PPP3CB: variants seen among roughly 807,000 people sequenced by gnomAD.
The protein encoded by PPP3CB is serine/threonine-protein phosphatase 2B catalytic subunit beta isoform.
In PPP3CB, 8 loss-of-function variants were observed where a neutral mutation model predicts 66.4. The observed-to-expected ratio is 0.12, with a 90% CI of 0.07 to 0.22. PPP3CB has a LOEUF of 0.22. Among genes scored for constraint, PPP3CB ranks in the 10% least tolerant of loss-of-function variants. The pLI, the probability that PPP3CB is intolerant of heterozygous loss-of-function variation, is 1.00. For missense variants in PPP3CB, 319 were observed against 642.5 expected (o/e 0.50, Z 5.44); for synonymous variants, 208 against 221.2 (o/e 0.94, Z 0.53).
chr10:73,447,573 G>T (rs1220664819), intron 10 of PPP3CB, among the ~76,000 whole-genome samples: 2 of 152,124 alleles, frequency 1.3e-5, no homozygotes, highest in African/African-American at 2.4e-5. Flanking sequence ...ATTCAAAAGG[G>T]GCCTTAGGTA....
At chr10:73,452,098 T>A (rs1179801475) in intron 10 of PPP3CB, among the ~76,000 whole-genome samples, 1 of 152,052 alleles carries the variant, frequency 6.6e-6, no homozygotes, top group Non-Finnish European at 1.5e-5. Context: ...TAGATTCAGA[T>A]ATAGAATTAA....
intron 11 of PPP3CB, among the ~76,000 whole-genome samples, chr10:73,445,607 G>A (rs1384516931): frequency 4.7e-5 from 7 of 150,332 alleles, no homozygotes; most frequent in South Asian, 4.2e-4. Flanking sequence ...CACCAGGCCC[G>A]GCTAATTTTT....
intron 9 of PPP3CB, among the ~76,000 whole-genome samples, chr10:73,462,414 G>T (rs558064385): frequency 6.6e-6 from 1 of 151,840 alleles, no homozygotes. Context: ...GATATAAACG[G>T]TATGAGGGTC....
rs1212990728 is a variant in PPP3CB, at chr10:73,439,897, T to C, written c.1371A>G (p.Thr457=). 1 of 1,613,548 alleles carries C rather than the reference T, an allele frequency of 6.2e-7. No individual in the cohort carries two copies. The highest frequency in any genetic ancestry group is 8.5e-7 in the Non-Finnish European group (1 of 1,179,594). ...AGGRQTLQSA[T]VEAIEAEKAI... is the part of the protein sequence containing the mutation. ...CTTTTTCAGCCTCAATAGCCTCAACTGTGGCTGTACAGAAGTGAGCAGAGG... is the reference window on the plus strand; with the variant it reads ...CTTTTTCAGCCTCAATAGCCTCAACCGTGGCTGTACAGAAGTGAGCAGAGG... Residue 457 remains threonine (T), a synonymous_variant, in exon 13 of 14, where the codon ACA becomes ACG. Coordinates refer to ENST00000360663, the MANE Select transcript of PPP3CB (RefSeq NM_021132.4).
intron 4 of PPP3CB, among the ~76,000 whole-genome samples, chr10:73,472,860 G>GACTA (rs2132938338): frequency 6.6e-6 from 1 of 152,292 alleles, no homozygotes; most frequent in South Asian, 2.1e-4. Context: ...TTTACTTTTA[G>GACTA]AGAGATATCA....
At position 73,442,141 on chromosome 10, in the gene PPP3CB, A is replaced by G. The variant is rs147653574; in HGVS notation, c.1367-2240T>C. Among the ~76,000 whole-genome samples the G allele has an allele frequency of 2.5e-3, 373 of 152,236 alleles. 1 individual carries two copies. The highest frequency in any genetic ancestry group is 8.7e-3 in the African/African-American group (362 of 41,536). On this transcript the variant is annotated intron_variant, in intron 12 of 13. Transcript: ENST00000360663. Reference sequence around the variant, plus strand: ...AATTTTGACCAAATGCCCAAACCACACTATCAAGAGCTAGCAAAACTAGAA... The same window carrying G: ...AATTTTGACCAAATGCCCAAACCACGCTATCAAGAGCTAGCAAAACTAGAA...
In PPP3CB at chr10:73,436,952, T is replaced by G. The variant is rs1012548863; in HGVS notation, c.*1290A>C. 6.5e-6 allele frequency: 1 copy of G among 152,700 alleles called. No individual in the cohort carries two copies. The highest frequency in any genetic ancestry group is 1.5e-5 in the Non-Finnish European group (1 of 68,078). 9.5% of individuals were successfully genotyped at this position (152,700 alleles called of 1,614,324 possible). A position where few individuals can be genotyped will look rare whatever the true frequency, so the allele number is the denominator to read the frequency against. Reference sequence around the variant, plus strand: ...CAAACAAAACAATAGATGGTTCCGCTGCCTGGAGCTCTGAGTTGTATTCCA... The same window carrying G: ...CAAACAAAACAATAGATGGTTCCGCGGCCTGGAGCTCTGAGTTGTATTCCA... On this transcript the variant is annotated 3_prime_UTR_variant, in exon 14 of 14. Transcript: ENST00000360663.
intron 1 of PPP3CB, among the ~76,000 whole-genome samples, chr10:73,493,805 C>G (rs2057117834): frequency 6.6e-6 from 1 of 152,150 alleles, no homozygotes; most frequent in South Asian, 2.1e-4. Flanking sequence ...TTATCTAAAT[C>G]AAATGGCTTT....
intron 5 of PPP3CB, 35 bp from the exon 6 acceptor site, chr10:73,471,244 T>A: frequency 6.4e-7 from 1 of 1,558,542 alleles, no homozygotes; most frequent in African/African-American, 1.4e-5. Context: ...CAGAAGTAAC[T>A]CATCAAAAAG....
At chr10:73,478,938 G>A (rs998756384) in intron 2 of PPP3CB, among the ~76,000 whole-genome samples, 1 of 152,202 alleles carries the variant, frequency 6.6e-6, no homozygotes, top group African/African-American at 2.4e-5. Context: ...AATGGTGGCA[G>A]TTAAAATATC....
chr10:73,444,554 G>C (rs756062452), intron 12 of PPP3CB, 171 bp downstream of exon 12: 7 of 1,542,200 alleles, frequency 4.5e-6, no homozygotes, highest in South Asian at 3.6e-5. Context: ...TTTCTGCCCT[G>C]ATCAGGTATT....
At chr10:73,444,241 GT>G (rs1169190765) in intron 12 of PPP3CB, 2 of 193,372 alleles carry the variant, frequency 1.0e-5, no homozygotes, top group Non-Finnish European at 2.1e-5. Context: ...CATAAGTAAT[GT>G]TCTGGGGCCT....
At chr10:73,455,238 CT>C (rs2056406904) in intron 9 of PPP3CB, among the ~76,000 whole-genome samples, 1 of 152,138 alleles carries the variant, frequency 6.6e-6, no homozygotes, top group African/African-American at 2.4e-5. Context: ...CTAAAGATTA[CT>C]AATGACTATC....
chr10:73,478,726 A>G, intron 2 of PPP3CB, 103 bp from the exon 3 acceptor site: 1 of 1,002,244 alleles, frequency 1.0e-6, no homozygotes, highest in Non-Finnish European at 1.5e-6. Context: ...AAATGCTATC[A>G]AGAAATGTCT....
chr10:73,464,210 GAGCCACCACGCCTGGCCCCA>G (rs1170044511), intron 9 of PPP3CB, among the ~76,000 whole-genome samples: 1 of 152,232 alleles, frequency 6.6e-6, no homozygotes, highest in African/African-American at 2.4e-5. Flanking sequence ...TTACAGGCAT[GAGCCACCACGCCTGGCCCCA>G]AGCCACCACG....
Position 73,495,921 on chromosome 10 carries a change from C to A in PPP3CB, c.-32G>T. ...CCCGGGGCTCGGCTAGGCTCTGGGC[C>A]GGGCGGGGTTGGGGGCGGGGGCGGC... On this transcript the variant is annotated 5_prime_UTR_variant, in exon 1 of 14. Coordinates refer to ENST00000360663, the MANE Select transcript of PPP3CB (RefSeq NM_021132.4). 1.3e-5 allele frequency: 2 copies of A among 159,356 alleles called. No homozygotes were observed. The highest frequency in any genetic ancestry group is 2.0e-5 in the Non-Finnish European group (2 of 99,174). 9.9% of individuals were successfully genotyped at this position (159,356 alleles called of 1,614,324 possible).
chr10:73,473,201 A>G (rs991104550), intron 4 of PPP3CB, among the ~76,000 whole-genome samples: 1 of 152,164 alleles, frequency 6.6e-6, no homozygotes, highest in Non-Finnish European at 1.5e-5. Context: ...AGAGTATGCC[A>G]CTTCTGCCAC....
chr10:73,492,123 C>A (rs887949557), intron 1 of PPP3CB, among the ~76,000 whole-genome samples: 1 of 152,060 alleles, frequency 6.6e-6, no homozygotes, highest in Non-Finnish European at 1.5e-5. Context: ...ATCAGAAATA[C>A]TTTAGCTTAA....
chr10:73,459,755 G>C (rs2056490538), intron 9 of PPP3CB, among the ~76,000 whole-genome samples: 1 of 152,186 alleles, frequency 6.6e-6, no homozygotes, highest in African/African-American at 2.4e-5. Flanking sequence ...CAGAATAGGT[G>C]AATCTATGGG....
Sources: gnomAD v4.1 joint callset for allele counts (sites outside exome capture counted in the v4.1 genomes callset) on GRCh38, gnomAD v4.1.1 for gene constraint, MANE v1.5 for transcripts, NCBI Gene and HGNC (gene_info 2026-07-23, HGNC 2026-07-21) for gene names.